Variants in CALHM4 observed in about 807,000 individuals in gnomAD.
The protein encoded by CALHM4 is calcium homeostasis modulator protein 4.
In CALHM4, 16 loss-of-function variants were observed where a neutral mutation model predicts 13.3. The observed-to-expected ratio is 1.20, with a 90% CI of 0.81 to 1.82. CALHM4 has a LOEUF of 1.82. CALHM4 is among the 40% of genes most tolerant of loss of function. CALHM4 has a pLI of 0.00. For missense variants in CALHM4, 344 were observed against 374.9 expected, an observed-to-expected ratio of 0.92 and a Z score of 0.68; for synonymous variants, 127 against 137.1, an observed-to-expected ratio of 0.93 and a Z score of 0.52.
At chr6:116,555,271 C>T (rs985614856) in intron 1 of CALHM4, among the ~76,000 whole-genome samples, 3 of 152,148 alleles carry the variant, frequency 2.0e-5, no homozygotes, top group African/African-American at 7.2e-5. Context: ...CCCTAATGCT[C>T]AGAGGAGCTA....
At position 116,561,063 on chromosome 6, in the gene CALHM4, C is replaced by T. The variant is rs757551639; in HGVS notation, c.*2852C>T. Among the ~76,000 whole-genome samples, 2 of 152,208 alleles carry T rather than the reference C, an allele frequency of 1.3e-5. No homozygotes were observed. The highest frequency in any genetic ancestry group is 2.9e-5 in the Non-Finnish European group (2 of 68,042). On this transcript the variant is annotated 3_prime_UTR_variant, in exon 2 of 2. Transcript: ENST00000368596. ...TGTGTCTCTTTTCTCTGTTCTCAGTCTTCCATTCATTTTTTGTAGAAATTC... is the reference window on the plus strand; with the variant it reads ...TGTGTCTCTTTTCTCTGTTCTCAGTTTTCCATTCATTTTTTGTAGAAATTC...
At chr6:116,543,484 G>C in intron 1 of CALHM4, 1 of 1,176,066 alleles carries the variant, frequency 8.5e-7, no homozygotes, top group Non-Finnish European at 1.2e-6. Context: ...AATCTGGTTT[G>C]AAGTAGCCTT....
At chr6:116,545,823 A>G (rs1437184411) in intron 2 of CALHM4, among the ~76,000 whole-genome samples, 3 of 152,196 alleles carry the variant, frequency 2.0e-5, no homozygotes, top group African/African-American at 7.2e-5. Context: ...AAGCACTGCA[A>G]CTCAAAAAAT....
intron 1 of CALHM4, among the ~76,000 whole-genome samples, chr6:116,529,670 A>G (rs887595708): frequency 2.0e-5 from 3 of 152,210 alleles, no homozygotes; most frequent in African/African-American, 7.2e-5. Flanking sequence ...GGCAGTTGCA[A>G]TGATGTGCCT....
Position 116,554,031 on chromosome 6 carries a change from G to T in CALHM4, c.238G>T (p.Glu80Ter). The T allele has an allele frequency of 6.4e-7, 1 of 1,550,686 alleles. No individual in the cohort carries two copies. Among genetic ancestry groups the T allele is most frequent in the Non-Finnish European group, 8.7e-7 (1 of 1,147,018 alleles). Residue 80 changes from glutamate (E) to a stop codon, truncating the protein, a stop_gained, in exon 1 of 2, where the codon GAA becomes TAA. Coordinates refer to ENST00000368596, the MANE Select transcript of CALHM4 (RefSeq NM_001366078.2). LOFTEE classifies it high-confidence loss of function. ...AAGCCAAATGTGGACAATTACCGGT[G>T]AATACTGCTGCAGCTGTGCCCCTCC... ...LRSQMWTITG[E>*]YCCSCAPPYR...
chr6:116,544,151 A>AAGAAAGAGAGAGAGAG (rs1759017583), intron 2 of CALHM4, among the ~76,000 whole-genome samples: 2 of 132,918 alleles, frequency 1.5e-5, no homozygotes, highest in Non-Finnish European at 3.3e-5. Context: ...AAAGGTGAAG[A>AAGAAAGAGAGAGAGAG]AGAGAGAGAG....
At chr6:116,531,227 C>G (rs1772702293) in intron 1 of CALHM4, among the ~76,000 whole-genome samples, 1 of 151,930 alleles carries the variant, frequency 6.6e-6, no homozygotes, top group Non-Finnish European at 1.5e-5. Flanking sequence ...AGGTTAAAGA[C>G]TCTCTTTTTG....
intron 1 of CALHM4, among the ~76,000 whole-genome samples, chr6:116,534,664 C>T (rs1188757962): frequency 6.6e-6 from 1 of 152,190 alleles, no homozygotes; most frequent in Non-Finnish European, 1.5e-5. Flanking sequence ...AGATTTACTT[C>T]CCTGCTTTAG....
At chr6:116,531,772 T>C (rs1246008695) in intron 1 of CALHM4, among the ~76,000 whole-genome samples, 2 of 151,942 alleles carry the variant, frequency 1.3e-5, no homozygotes, top group Admixed American at 6.6e-5. Context: ...GACCTCAGAG[T>C]AGCAGAATGA....
chr6:116,545,516 G>A (rs1484656016), intron 2 of CALHM4: 4 of 1,547,114 alleles, frequency 2.6e-6, no homozygotes, highest in Non-Finnish European at 3.5e-6. Flanking sequence ...GCGAGACATA[G>A]TGCTTGATAG....
At chr6:116,553,018 G>A (rs1289799432), upstream of CALHM4, among the ~76,000 whole-genome samples, 2 of 152,194 alleles carry the variant, frequency 1.3e-5, no homozygotes, top group East Asian at 1.9e-4. Flanking sequence ...AGCTTGCAGT[G>A]AGCCGAGATC....
In CALHM4 at chr6:116,559,121, G is replaced by A. The variant is rs1774473524; in HGVS notation, c.*910G>A. On this transcript the variant is annotated 3_prime_UTR_variant, in exon 2 of 2. Transcript: ENST00000368596. ...TACAAAAGAGGATAATTCCTGCTTG[G>A]TGTTGCTCTGCCTGGCTTTACTAAA... Among the ~76,000 whole-genome samples, 1 of 152,102 alleles carries A rather than the reference G, an allele frequency of 6.6e-6. No homozygotes were observed. Among genetic ancestry groups the A allele is most frequent in the African/African-American group, 2.4e-5 (1 of 41,426 alleles).
chr6:116,547,793 T>C (rs576363949), intron 2 of CALHM4, among the ~76,000 whole-genome samples: 3 of 152,362 alleles, frequency 2.0e-5, no homozygotes, highest in South Asian at 2.1e-4. Context: ...TTTCCTGTTT[T>C]ACTAAGAGTT....
At chr6:116,531,304 C>G (rs1772708550) in intron 1 of CALHM4, among the ~76,000 whole-genome samples, 1 of 151,814 alleles carries the variant, frequency 6.6e-6, no homozygotes, top group South Asian at 2.1e-4. Context: ...GCAAATGACA[C>G]CCAGAGAAAA....
intron 1 of CALHM4, among the ~76,000 whole-genome samples, chr6:116,533,608 C>T (rs1772883086): frequency 1.3e-5 from 2 of 152,218 alleles, no homozygotes; most frequent in Non-Finnish European, 2.9e-5. Flanking sequence ...CGGCTCATGC[C>T]TTCTGTACTG....
chr6:116,530,546 A>G (rs950490425), intron 1 of CALHM4, among the ~76,000 whole-genome samples: 2 of 152,112 alleles, frequency 1.3e-5, no homozygotes, highest in East Asian at 1.9e-4. Flanking sequence ...TTCTTTGGAG[A>G]ATTTAGTTAT....
intron 1 of CALHM4, among the ~76,000 whole-genome samples, chr6:116,532,382 G>C (rs1772793845): frequency 6.6e-6 from 1 of 152,180 alleles, no homozygotes; most frequent in Non-Finnish European, 1.5e-5. Context: ...AATTACAGGC[G>C]TGAGCCACCG....
upstream of CALHM4, among the ~76,000 whole-genome samples, chr6:116,548,959 TTTAA>T (rs534132353): frequency 1.7e-4 from 26 of 152,320 alleles, no homozygotes; most frequent in South Asian, 5.2e-3. Flanking sequence ...CCATCTGTAC[TTTAA>T]TTAAGTTCAT....
intron 1 of CALHM4, among the ~76,000 whole-genome samples, chr6:116,541,441 C>A (rs1169329642): frequency 6.6e-6 from 1 of 152,188 alleles, no homozygotes; most frequent in Admixed American, 6.5e-5. Context: ...CAACAAGACA[C>A]CACAGTGTTC....
Sources: allele counts gnomAD v4.1 joint callset (sites outside exome capture counted in the v4.1 genomes callset), GRCh38; gene constraint gnomAD v4.1.1; transcripts MANE v1.5; gene names NCBI Gene and HGNC (gene_info 2026-07-23, HGNC 2026-07-21).